GSDMB: variants seen among roughly 807,000 people sequenced by gnomAD.
GSDMB encodes the protein gasdermin B.
Under a neutral mutation model 42.9 loss-of-function variants are expected in GSDMB, and 32 were observed. The ratio of observed to expected loss-of-function variants is 0.75; its 90% CI spans 0.56 to 1.00. The LOEUF is 1.00. GSDMB is among the 50% of genes least tolerant of loss of function. GSDMB has a pLI of 0.00. For missense variants in GSDMB, 468 were observed against 498.5 expected, an observed-to-expected ratio of 0.94 and a Z score of 0.58; for synonymous variants, 175 against 193.7, an observed-to-expected ratio of 0.90 and a Z score of 0.80.
chr17:39,917,781 A>C, intron 1 of GSDMB: 1 of 189,234 alleles, frequency 5.3e-6, no homozygotes, highest in Non-Finnish European at 1.1e-5. Flanking sequence ...TTGCTCATAT[A>C]AAGCCCGTTT....
intron 2 of GSDMB, among the ~76,000 whole-genome samples, chr17:39,915,320 C>T (rs751725268): frequency 6.6e-5 from 10 of 152,238 alleles, no homozygotes; most frequent in Non-Finnish European, 1.0e-4. Context: ...TACAAAATAA[C>T]CCATTTAAAT....
At position 39,917,150 on chromosome 17, in the gene GSDMB, A is replaced by ACATCAG; in HGVS notation, c.166_167insCTGATG (p.Leu56delinsProAspVal). The ACATCAG allele has an allele frequency of 1.2e-6, 2 of 1,614,136 alleles. No individual in the cohort carries two copies. Among genetic ancestry groups the ACATCAG allele is most frequent in the Non-Finnish European group, 1.7e-6 (2 of 1,179,992 alleles). ...TGTGTCCAGAATGTCCATCAGGGTG[A>ACATCAG]GGCCTGTTGTGTAGTGCCGGCATCC... is the stretch of plus-strand genomic sequence containing the variant. On this transcript the variant is annotated protein_altering_variant, in exon 2 of 11. Coordinates refer to ENST00000418519, the MANE Select transcript of GSDMB (RefSeq NM_001165958.2).
rs143613562 is a variant in GSDMB, at chr17:39,906,231, C to T, written c.768G>A (p.Glu256=). ...LGSEDSRNMK[E]KLEDMESVLK... ...GGACACTCTCCATGTCCTCCAACTT[C>T]TCCTTCATGTTTCTGGAATCCTCCG... is the stretch of plus-strand genomic sequence containing the variant. Residue 256 remains glutamate, a synonymous_variant, in exon 8 of 11, where the codon GAG becomes GAA. Coordinates refer to ENST00000418519, the MANE Select transcript of GSDMB (RefSeq NM_001165958.2). 2 of 1,614,194 alleles carry T rather than the reference C, an allele frequency of 1.2e-6. No individual in the cohort carries two copies. The highest frequency in any genetic ancestry group is 1.7e-6 in the Non-Finnish European group (2 of 1,180,020).
At chr17:39,907,564 CAAAA>C (rs919531262) in intron 6 of GSDMB, 4 of 150,952 alleles carry the variant, frequency 2.6e-5, no homozygotes, top group African/African-American at 9.8e-5. Context: ...AAAAGAAAAA[CAAAA>C]AAAACCAAAC....
rs751544468 is a variant in GSDMB, at chr17:39,906,209, C to T, written c.790G>A (p.Val264Ile). The T allele has an allele frequency of 1.9e-5, 30 of 1,614,024 alleles. No homozygotes were observed. Among genetic ancestry groups the T allele is most frequent in the Non-Finnish European group, 2.4e-5 (28 of 1,179,888 alleles). Residue 264 changes from valine to isoleucine, a missense_variant, in exon 8 of 11, where the codon GTC becomes ATC. By Grantham distance (29) the Val-to-Ile change is conservative (BLOSUM62 3). Coordinates refer to ENST00000418519, the MANE Select transcript of GSDMB (RefSeq NM_001165958.2). ...TTCTCCTCTGTCAGGTCCTTGAGGACACTCTCCATGTCCTCCAACTTCTCC... is the reference window on the plus strand; with the variant it reads ...TTCTCCTCTGTCAGGTCCTTGAGGATACTCTCCATGTCCTCCAACTTCTCC... ...MKEKLEDMESVLKDLTEEKRK... is the reference protein window; with the variant it reads ...MKEKLEDMESILKDLTEEKRK...
chr17:39,909,816 G>T lies in GSDMB; in HGVS notation c.516C>A (p.Ser172Arg). 6.2e-7 allele frequency: 1 copy of T among 1,614,046 alleles called. No homozygotes were observed. The highest frequency in any genetic ancestry group is 8.5e-7 in the Non-Finnish European group (1 of 1,179,902). Residue 172 changes from serine to arginine, a missense_variant, in exon 4 of 11, where the codon AGC becomes AGA. Coordinates refer to ENST00000418519, the MANE Select transcript of GSDMB (RefSeq NM_001165958.2). ...GGCTCCAAAATTTATATTGCCGGTC[G>T]CTTTTCAGGGTTTCCTCCTTTACCG... ...LETVKEETLK[S>R]DRQYKFWSQI...
At chr17:39,917,449 T>C (rs1429980687) in intron 1 of GSDMB, 119 bp from the exon 2 acceptor site, 11 of 658,632 alleles carry the variant, frequency 1.7e-5, no homozygotes, top group African/African-American at 5.4e-5. Flanking sequence ...GCCATCATAT[T>C]CCCTGTGACC....
chr17:39,906,991 C>T lies in GSDMB; in HGVS notation c.701-4G>A, dbSNP rs1555649835. The T allele has an allele frequency of 6.2e-7, 1 of 1,613,838 alleles. No individual in the cohort carries two copies. The highest frequency in any genetic ancestry group is 8.5e-7 in the Non-Finnish European group (1 of 1,179,896). On this transcript the variant is annotated splice_region_variant and splice_polypyrimidine_tract_variant and intron_variant, in intron 6 of 10. Transcript: ENST00000418519. ...CAGGATGAAGCACCATCCTTCTCTG[C>T]AGAGAGAGGAAGAGTTATTTCAGAA...
intron 5 of GSDMB, among the ~76,000 whole-genome samples, chr17:39,908,429 G>A (rs1016765883): frequency 5.9e-5 from 9 of 151,838 alleles, no homozygotes; most frequent in Admixed American, 5.9e-4. Flanking sequence ...GCCTAGGCTG[G>A]AGTGCAATGG....
chr17:39,911,780 A>G (rs2063613642), intron 3 of GSDMB, among the ~76,000 whole-genome samples: 1 of 152,166 alleles, frequency 6.6e-6, no homozygotes, highest in South Asian at 2.1e-4. Flanking sequence ...AGAGGGAAAC[A>G]AGCACAAAAT....
intron 6 of GSDMB, 79 bp downstream of exon 6, chr17:39,908,097 C>G: frequency 1.2e-6 from 1 of 846,402 alleles, no homozygotes; most frequent in South Asian, 1.4e-5. Flanking sequence ...CGGACCTAAC[C>G]ACTCTGTAAT....
chr17:39,911,885 G>A (rs959377783), intron 3 of GSDMB, among the ~76,000 whole-genome samples: 36 of 151,746 alleles, frequency 2.4e-4, no homozygotes, highest in African/African-American at 8.5e-4. Context: ...GCAGTGAGCC[G>A]AGATCATGCC....
chr17:39,906,163 G>A lies in GSDMB; in HGVS notation c.836C>T (p.Ser279Phe). ...CTCCTTGCCGAGGCACTTAGCGAGG[G>A]AGTTTAGCACATCTTTTCTCTTCTC... ...TEEKRKDVLN[S>F]LAKCLGKEDI... The change falls in exon 8 of 11, where the codon TCC (serine) becomes TTC (phenylalanine). Residue 279 changes from serine to phenylalanine, a missense_variant. Physicochemically the swap from Ser to Phe is radical, Grantham distance 155 (BLOSUM62 -2). Coordinates refer to ENST00000418519, the MANE Select transcript of GSDMB (RefSeq NM_001165958.2). 6.2e-7 allele frequency: 1 copy of A among 1,614,092 alleles called. No homozygotes were observed. The highest frequency in any genetic ancestry group is 1.3e-5 in the African/African-American group (1 of 75,038).
At chr17:39,912,120 G>A (rs870830) in intron 3 of GSDMB, among the ~76,000 whole-genome samples, 29,957 of 152,014 alleles carry the variant, frequency 0.2, 4,268 homozygotes, top group East Asian at 0.67. Flanking sequence ...GCGTGCTTGC[G>A]TAAAGGGGAG....
intron 5 of GSDMB, 152 bp downstream of exon 5, chr17:39,908,806 G>A (rs2063554108): frequency 1.5e-6 from 1 of 662,756 alleles, no homozygotes; most frequent in Non-Finnish European, 2.7e-6. Flanking sequence ...GTCCTTCCTA[G>A]TGCTGAACCC....
At chr17:39,911,373 A>C (rs1204675038) in intron 3 of GSDMB, among the ~76,000 whole-genome samples, 2 of 151,504 alleles carry the variant, frequency 1.3e-5, no homozygotes, top group Non-Finnish European at 2.9e-5. Flanking sequence ...GCTCCACTCA[A>C]GGAGAGCAAG....
intron 2 of GSDMB, among the ~76,000 whole-genome samples, chr17:39,912,921 T>C (rs962360737): frequency 1.2e-4 from 18 of 150,866 alleles, no homozygotes; most frequent in African/African-American, 2.7e-4. Flanking sequence ...GCCTGGCCAA[T>C]ATGGTGAAAC....
chr17:39,910,020 T>A, intron 3 of GSDMB, 96 bp from the exon 4 acceptor site: 1 of 920,404 alleles, frequency 1.1e-6, no homozygotes, highest in Non-Finnish European at 1.7e-6. Flanking sequence ...TATTGAAGAT[T>A]AATCGCTTCT....
chr17:39,909,720 C>A (rs199960707), intron 4 of GSDMB, 36 bp downstream of exon 4: 7 of 1,590,572 alleles, frequency 4.4e-6, no homozygotes, highest in East Asian at 4.5e-5. Context: ...TGGGCCAACA[C>A]TGGCCTCCAC....
Sources: allele counts gnomAD v4.1 joint callset (sites outside exome capture counted in the v4.1 genomes callset), GRCh38; gene constraint gnomAD v4.1.1; transcripts MANE v1.5; gene names NCBI Gene and HGNC (gene_info 2026-07-23, HGNC 2026-07-21).